The following OPA3 variants were observed in gnomAD, a reference collection of about 807,000 sequenced individuals.
OPA3 encodes optic atrophy 3 protein.
A neutral mutation model predicts 4.0 loss-of-function variants in OPA3; 6 were observed. That is an observed-to-expected ratio of 1.51 (90% CI 0.83 to 2.99). The LOEUF (loss-of-function observed/expected upper bound fraction) is 2.99. OPA3 is among the 30% of genes most tolerant of loss of function. The pLI is 0.00. For synonymous variants in OPA3, 105 were observed against 117.1 expected, an observed-to-expected ratio of 0.90 and a Z score of 0.67; for missense variants, 235 against 256.2, an observed-to-expected ratio of 0.92 and a Z score of 0.56.
downstream of OPA3, among the ~76,000 whole-genome samples, chr19:45,544,719 G>A (rs1285768248): frequency 6.6e-5 from 10 of 151,512 alleles, no homozygotes; most frequent in East Asian, 7.8e-4. Flanking sequence ...ACTTGAACCC[G>A]GGAGGTGGAG....
intron 1 of OPA3, among the ~76,000 whole-genome samples, chr19:45,570,975 A>AT (rs1969654548): frequency 2.7e-5 from 1 of 36,412 alleles, no homozygotes; most frequent in South Asian, 8.8e-4. Context: ...CAGCAAAACT[A>AT]TTTGGGGGGG....
chr19:45,580,658 G>T, intron 1 of OPA3, among the ~76,000 whole-genome samples: 1 of 148,220 alleles, frequency 6.7e-6, no homozygotes, highest in Middle Eastern at 3.3e-3. Context: ...TCGCTCTGTC[G>T]CCCAAGCTGG....
chr19:45,553,341 G>C lies in OPA3; in HGVS notation c.*173C>G. Reference sequence around the variant, plus strand: ...GGGGCTATGTTGCAACGCTTCACCTGCTGGTCCCAGTGGCAGGTAACGGCT... The same window carrying C: ...GGGGCTATGTTGCAACGCTTCACCTCCTGGTCCCAGTGGCAGGTAACGGCT... On this transcript the variant is annotated 3_prime_UTR_variant, in exon 2 of 2. Transcript: ENST00000263275. The C allele has an allele frequency of 6.7e-7, 1 of 1,496,308 alleles. No homozygotes were observed. The highest frequency in any genetic ancestry group is 8.9e-7 in the Non-Finnish European group (1 of 1,126,450). 92.7% of individuals were successfully genotyped at this position (1,496,308 alleles called of 1,614,324 possible).
intron 1 of OPA3, among the ~76,000 whole-genome samples, chr19:45,534,177 C>T (rs770971014): frequency 7.2e-5 from 11 of 152,198 alleles, no homozygotes; most frequent in Admixed American, 2.6e-4. Flanking sequence ...CCTGAAAATA[C>T]AACTGCCATT....
chr19:45,550,295 G>T lies in OPA3; in HGVS notation c.*3219C>A. ...AAGGGAGGTGAGGATGGAAGTCGGG[G>T]AAAGCCCGGCCCTCCCACTTTCACC... On this transcript the variant is annotated 3_prime_UTR_variant, in exon 2 of 2. Transcript: ENST00000263275. 1 of 985,542 alleles carries T rather than the reference G, an allele frequency of 1.0e-6. No individual in the cohort carries two copies. Among genetic ancestry groups the T allele is most frequent in the Non-Finnish European group, 1.2e-6 (1 of 830,020 alleles). 61.0% of individuals were successfully genotyped at this position (985,542 alleles called of 1,614,324 possible).
At chr19:45,556,045 T>C (rs1375774279) in intron 1 of OPA3, among the ~76,000 whole-genome samples, 1 of 152,206 alleles carries the variant, frequency 6.6e-6, no homozygotes, top group African/African-American at 2.4e-5. Context: ...GTCAGTATCA[T>C]AACACACCAG....
At position 45,553,612 on chromosome 19, in the gene OPA3, C is replaced by A. The variant is rs771739856; in HGVS notation, c.442G>T (p.Ala148Ser). The A allele has an allele frequency of 8.7e-6, 14 of 1,609,136 alleles. No individual in the cohort carries two copies. The highest frequency in any genetic ancestry group is 3.3e-4 in the Middle Eastern group (2 of 6,048). Reference sequence around the variant, plus strand: ...AGCTCTGTGCGCAGTTCCTCCAGGGCGCCCTGTGGCGGCGCCGCCTGCACC... The same window carrying A: ...AGCTCTGTGCGCAGTTCCTCCAGGGAGCCCTGTGGCGGCGCCGCCTGCACC... The part of the protein sequence containing the change: ...AQVQAAPPQG[A>S]LEELRTELQE... The change falls in exon 2 of 2, where the codon GCC becomes TCC. Residue 148 changes from alanine to serine, a missense_variant. Transcript: ENST00000263275.
intron 1 of OPA3, among the ~76,000 whole-genome samples, chr19:45,572,122 G>GATAT (rs10664580): frequency 4.2e-4 from 59 of 140,778 alleles, no homozygotes; most frequent in African/African-American, 1.1e-3. Context: ...AATATATATT[G>GATAT]ATATATATAT....
chr19:45,573,822 A>C (rs1005908025), intron 1 of OPA3, among the ~76,000 whole-genome samples: 1 of 152,208 alleles, frequency 6.6e-6, no homozygotes, highest in Non-Finnish European at 1.5e-5. Context: ...GAGTGCACGA[A>C]GTCTTTATCT....
At chr19:45,569,382 C>T (rs1969628453) in intron 1 of OPA3, among the ~76,000 whole-genome samples, 1 of 152,132 alleles carries the variant, frequency 6.6e-6, no homozygotes, top group Admixed American at 6.5e-5. Flanking sequence ...TCACTTGAAC[C>T]CAGGAGGCAG....
In OPA3 at chr19:45,550,298, A is replaced by G; in HGVS notation, c.*3216T>C. 1.0e-6 allele frequency: 1 copy of G among 985,528 alleles called. No individual in the cohort carries two copies. The highest frequency in any genetic ancestry group is 1.2e-6 in the Non-Finnish European group (1 of 830,002). The allele number at this position is 985,528 out of a possible 1,614,324, so 61.0% of individuals were successfully genotyped here. ...GGAGGTGAGGATGGAAGTCGGGGAA[A>G]GCCCGGCCCTCCCACTTTCACCTGC... On this transcript the variant is annotated 3_prime_UTR_variant, in exon 2 of 2. Coordinates refer to ENST00000263275, the MANE Select transcript of OPA3 (RefSeq NM_025136.4).
chr19:45,550,855 T>C lies in OPA3; in HGVS notation c.*2659A>G. 1 of 985,936 alleles carries C rather than the reference T, an allele frequency of 1.0e-6. No individual in the cohort carries two copies. Among genetic ancestry groups the C allele is most frequent in the East Asian group, 1.1e-4 (1 of 8,808 alleles). 61.1% of individuals were successfully genotyped at this position (985,936 alleles called of 1,614,324 possible). On this transcript the variant is annotated 3_prime_UTR_variant, in exon 2 of 2. Coordinates refer to ENST00000263275, the MANE Select transcript of OPA3 (RefSeq NM_025136.4). ...GCTACTGGGACCCACCCCCTCCCGC[T>C]TCAGTGGCAGATCCTGGAAGAGAAA...
At position 45,553,248 on chromosome 19, in the gene OPA3, C is replaced by A; in HGVS notation, c.*266G>T. ...TCATTTGCCAGAGTGCCCACGGTGTCCTGCTGGCTGGGACCTTGCAGGTCG... is the reference window on the plus strand; with the variant it reads ...TCATTTGCCAGAGTGCCCACGGTGTACTGCTGGCTGGGACCTTGCAGGTCG... On this transcript the variant is annotated 3_prime_UTR_variant, in exon 2 of 2. Coordinates refer to ENST00000263275, the MANE Select transcript of OPA3 (RefSeq NM_025136.4). 1 of 1,415,346 alleles carries A rather than the reference C, an allele frequency of 7.1e-7. No individual in the cohort carries two copies. The highest frequency in any genetic ancestry group is 9.2e-7 in the Non-Finnish European group (1 of 1,087,460). The allele number at this position is 1,415,346 out of a possible 1,614,324, so 87.7% of individuals were successfully genotyped here.
intron 1 of OPA3, among the ~76,000 whole-genome samples, chr19:45,576,358 CTATCTCTACTAAAAA>C (rs997899990): frequency 2.0e-5 from 3 of 152,130 alleles, no homozygotes; most frequent in Non-Finnish European, 4.4e-5. Flanking sequence ...TGGTGAAACC[CTATCTCTACTAAAAA>C]TACAAAAAAT....
rs1274823970 is a variant in OPA3 at position 45,584,705 on chromosome 19, G to C, written c.60C>G (p.Ser20Arg). Residue 20 changes from serine (S) to arginine (R), a missense_variant, in exon 1 of 2, where the codon AGC becomes AGG. Coordinates refer to ENST00000263275, the MANE Select transcript of OPA3 (RefSeq NM_025136.4). ...KLLYLGIRQV[S>R]KPLANRIKEA... ...CCTTAATACGGTTGGCAAGCGGCTT[G>C]CTGACCTGCCGGATGCCCAAGTATA... 1 of 1,614,212 alleles carries C rather than the reference G, an allele frequency of 6.2e-7. No homozygotes were observed. The highest frequency in any genetic ancestry group is 1.1e-5 in the South Asian group (1 of 91,082).
At chr19:45,582,171 T>A (rs148835132) in intron 1 of OPA3, among the ~76,000 whole-genome samples, 4,730 of 151,704 alleles carry the variant, frequency 0.031, 239 homozygotes, top group African/African-American at 0.11. Flanking sequence ...ATTTTATTTT[T>A]TTTTTTTGAG....
In OPA3 at chr19:45,549,780, C is replaced by T; in HGVS notation, c.*3734G>A. On this transcript the variant is annotated 3_prime_UTR_variant, in exon 2 of 2. Coordinates refer to ENST00000263275, the MANE Select transcript of OPA3 (RefSeq NM_025136.4). Reference sequence around the variant, plus strand: ...CAGGCGTGAGCTGGCCTGGGTCACTCCCAGTTTTAAACACAGCCCACTCAG... The same window carrying T: ...CAGGCGTGAGCTGGCCTGGGTCACTTCCAGTTTTAAACACAGCCCACTCAG... 1 of 985,394 alleles carries T rather than the reference C, an allele frequency of 1.0e-6. No individual in the cohort carries two copies. Among genetic ancestry groups the T allele is most frequent in the South Asian group, 4.7e-5 (1 of 21,290 alleles). The allele number at this position is 985,394 out of a possible 1,614,324, so 61.0% of individuals were successfully genotyped here.
intron 1 of OPA3, among the ~76,000 whole-genome samples, chr19:45,578,399 C>T (rs1044460476): frequency 2.0e-5 from 3 of 150,044 alleles, no homozygotes; most frequent in African/African-American, 4.9e-5. Flanking sequence ...ATCTTGTGCC[C>T]GCCCTCCCCC....
chr19:45,552,145 G>T lies in OPA3; in HGVS notation c.*1369C>A. On this transcript the variant is annotated 3_prime_UTR_variant, in exon 2 of 2. Transcript: ENST00000263275. ...ACTCAAGGATGAGGGGGTTCTGTTG[G>T]AATAGTCCACTTCGGGTCTCAAGGG... The T allele has an allele frequency of 1.0e-6, 1 of 985,412 alleles. No individual in the cohort carries two copies. Among genetic ancestry groups the T allele is most frequent in the Non-Finnish European group, 1.2e-6 (1 of 829,960 alleles). The allele number at this position is 985,412 out of a possible 1,614,324, so 61.0% of individuals were successfully genotyped here.
Sources: allele counts gnomAD v4.1 joint callset (sites outside exome capture counted in the v4.1 genomes callset), GRCh38; gene constraint gnomAD v4.1.1; transcripts MANE v1.5; gene names NCBI Gene and HGNC (gene_info 2026-07-23, HGNC 2026-07-21).